TMEM132C: variants seen among roughly 807,000 people sequenced by gnomAD.
The protein encoded by TMEM132C is transmembrane protein 132C, also known as protein phosphatase 1, regulatory subunit 152.
In TMEM132C, 29 loss-of-function variants were observed where a neutral mutation model predicts 61.4. The observed-to-expected ratio is 0.47, with a 90% CI of 0.35 to 0.64. The LOEUF (loss-of-function observed/expected upper bound fraction) is 0.64, where lower values mean the gene tolerates loss of function less well. Ranked by LOEUF, TMEM132C falls within the 30% of genes least tolerant of loss-of-function variation. The pLI is 0.00. For missense variants in TMEM132C, 1,408 were observed against 1,476.9 expected (o/e 0.95, Z 0.76); for synonymous variants, 656 against 633.1 (o/e 1.04, Z -0.54).
chr12:128,304,043 G>A (rs893056425), intron 1 of TMEM132C, among the ~76,000 whole-genome samples: 6 of 151,974 alleles, frequency 3.9e-5, no homozygotes, highest in Non-Finnish European at 5.9e-5. Context: ...GAGCTAAATC[G>A]ATGGCTATTG....
intron 1 of TMEM132C, among the ~76,000 whole-genome samples, chr12:128,322,908 T>C (rs1320157383): frequency 6.6e-6 from 1 of 152,162 alleles, no homozygotes; most frequent in Non-Finnish European, 1.5e-5. Flanking sequence ...CCAGGGAAGA[T>C]TAAATATGCA....
At chr12:128,389,794 C>A (rs1874707165) in intron 1 of TMEM132C, among the ~76,000 whole-genome samples, 2 of 152,170 alleles carry the variant, frequency 1.3e-5, no homozygotes, top group African/African-American at 4.8e-5. Context: ...CCAATTAAGG[C>A]CCAGCCCTCA....
intron 1 of TMEM132C, among the ~76,000 whole-genome samples, chr12:128,298,282 G>A (rs563967909): frequency 3.3e-5 from 5 of 152,220 alleles, no homozygotes; most frequent in East Asian, 3.9e-4. Context: ...AGGTTCTCCC[G>A]CCCTCTCCTC....
intron 4 of TMEM132C, among the ~76,000 whole-genome samples, chr12:128,640,865 G>A (rs889965591): frequency 2.6e-5 from 4 of 152,170 alleles, no homozygotes; most frequent in African/African-American, 9.7e-5. Context: ...CAGCCTGGGT[G>A]ACAGAGCAAG....
At chr12:128,337,487 G>C (rs570619250) in intron 1 of TMEM132C, among the ~76,000 whole-genome samples, 1 of 152,082 alleles carries the variant, frequency 6.6e-6, no homozygotes, top group Non-Finnish European at 1.5e-5. Flanking sequence ...TTCTGATTTC[G>C]CAGGTTGGAA....
chr12:128,608,078 A>T (rs1366041092), intron 3 of TMEM132C, among the ~76,000 whole-genome samples: 1 of 152,210 alleles, frequency 6.6e-6, no homozygotes, highest in Admixed American at 6.5e-5. Context: ...CTCACCTGGT[A>T]CCGTCAGCAA....
In TMEM132C at chr12:128,302,642, A is replaced by G. The variant is rs1325105133; in HGVS notation, c.85+35155A>G. On this transcript the variant is annotated intron_variant, in intron 1 of 8. Transcript: ENST00000435159. ...TTACTATGAGCTACTAAGGGAAAAC[A>G]GGGCTTTAAGAGAATGTGGCAAGTA... 2.0e-5 allele frequency among the ~76,000 whole-genome samples: 3 copies of G among 152,236 alleles called. No homozygotes were observed. In the East Asian group the frequency reaches 5.8e-4, roughly 29 times the overall value.
intron 3 of TMEM132C, among the ~76,000 whole-genome samples, chr12:128,552,238 A>G (rs534238636): frequency 7.2e-5 from 11 of 152,366 alleles, no homozygotes; most frequent in East Asian, 5.8e-4. Context: ...TACTGTTAAC[A>G]TCTCTTCCAG....
intron 1 of TMEM132C, among the ~76,000 whole-genome samples, chr12:128,307,716 T>C (rs996749652): frequency 3.3e-5 from 5 of 152,252 alleles, no homozygotes; most frequent in African/African-American, 1.2e-4. Flanking sequence ...TAATAGATGT[T>C]CCCAGTGCAT....
intron 2 of TMEM132C, among the ~76,000 whole-genome samples, chr12:128,483,243 G>T (rs1308863543): frequency 2.1e-5 from 3 of 145,362 alleles, no homozygotes; most frequent in Non-Finnish European, 3.0e-5. Context: ...ACTCCAGCCT[G>T]GGCAACAGAG....
chr12:128,507,321 C>T (rs1375164457), intron 2 of TMEM132C, among the ~76,000 whole-genome samples: 5 of 149,938 alleles, frequency 3.3e-5, no homozygotes, highest in Non-Finnish European at 5.9e-5. Context: ...ATTTTAGGAT[C>T]GAGAGAGAGA....
intron 1 of TMEM132C, among the ~76,000 whole-genome samples, chr12:128,271,244 A>T (rs1188049739): frequency 6.7e-6 from 1 of 149,878 alleles, no homozygotes; most frequent in Non-Finnish European, 1.5e-5. Context: ...ACAGAGTAAG[A>T]CTTGGTCTCA....
At chr12:128,361,813 G>A (rs761366157) in intron 1 of TMEM132C, among the ~76,000 whole-genome samples, 3 of 152,108 alleles carry the variant, frequency 2.0e-5, no homozygotes, top group Non-Finnish European at 4.4e-5. Context: ...CCGTTGATAA[G>A]CTTTTTCTTC....
At chr12:128,575,838 C>T (rs1342494431) in intron 3 of TMEM132C, among the ~76,000 whole-genome samples, 1 of 152,202 alleles carries the variant, frequency 6.6e-6, no homozygotes, top group East Asian at 1.9e-4. Context: ...CACAGTTTAC[C>T]ATTCATGACA....
chr12:128,412,873 A>G (rs1868609636), intron 1 of TMEM132C, among the ~76,000 whole-genome samples: 1 of 152,040 alleles, frequency 6.6e-6, no homozygotes, highest in African/African-American at 2.4e-5. Flanking sequence ...AGCACTCCAT[A>G]TTGCTTCATA....
intron 4 of TMEM132C, among the ~76,000 whole-genome samples, chr12:128,636,446 T>C (rs577524474): frequency 6.6e-6 from 1 of 152,176 alleles, no homozygotes; most frequent in East Asian, 1.9e-4. Context: ...AATTTGGACA[T>C]GCACATCTAC....
chr12:128,682,617 C>T (rs1458796874), intron 5 of TMEM132C, among the ~76,000 whole-genome samples: 2 of 152,168 alleles, frequency 1.3e-5, no homozygotes, highest in Non-Finnish European at 2.9e-5. Context: ...AGAATGACTC[C>T]AAATCAGAAA....
At chr12:128,456,919 C>G (rs754479102) in intron 2 of TMEM132C, among the ~76,000 whole-genome samples, 1 of 152,150 alleles carries the variant, frequency 6.6e-6, no homozygotes, top group African/African-American at 2.4e-5. Context: ...ACATAATACA[C>G]TATTTTCGCT....
At position 128,460,174 on chromosome 12, in the gene TMEM132C, G is replaced by C. The variant is rs958815761; in HGVS notation, c.974+44554G>C. Among the ~76,000 whole-genome samples, 5 of 152,148 alleles carry C rather than the reference G, an allele frequency of 3.3e-5. No individual in the cohort carries two copies. The South Asian group carries it at 6.2e-4, about 19-fold the overall frequency. On this transcript the variant is annotated intron_variant, in intron 2 of 8. Transcript: ENST00000435159. Reference sequence around the variant, plus strand: ...TATAAGTGACAGAAACCCAAATCAAGCTGGCTTAGGGGAGAAGAAGGGGGA... The same window carrying C: ...TATAAGTGACAGAAACCCAAATCAACCTGGCTTAGGGGAGAAGAAGGGGGA...
Sources: gnomAD v4.1 joint callset for allele counts (sites outside exome capture counted in the v4.1 genomes callset) on GRCh38, gnomAD v4.1.1 for gene constraint, MANE v1.5 for transcripts, NCBI Gene and HGNC (gene_info 2026-07-23, HGNC 2026-07-21) for gene names.